The following ATF7IP variants were observed in gnomAD, a reference collection of about 807,000 sequenced individuals.
ATF7IP encodes the protein activating transcription factor 7 interacting protein.
A neutral mutation model predicts 106.4 loss-of-function variants in ATF7IP; 23 were observed. The observed-to-expected ratio is 0.22, with a 90% confidence interval of 0.16 to 0.31. The LOEUF (loss-of-function observed/expected upper bound fraction) is 0.31. ATF7IP is among the 10% of genes least tolerant of loss of function. The probability of loss-of-function intolerance (pLI) is 1.00; values close to 1 mark genes in which losing one functional copy is unlikely to be tolerated. For missense variants in ATF7IP, 1,334 were observed against 1,524.3 expected, an observed-to-expected ratio of 0.88 and a Z score of 2.08; for synonymous variants, 542 against 539.0, an observed-to-expected ratio of 1.01 and a Z score of -0.08.
rs984456066 is a variant in ATF7IP, at chr12:14,460,956, G to A, written c.2620G>A (p.Ala874Thr). Reference sequence around the variant, plus strand: ...ATTGGGAACAACACTTGCTGTGCAGGCTGTTCCAACAGCACACTCTATTGT... The same window carrying A: ...ATTGGGAACAACACTTGCTGTGCAGACTGTTCCAACAGCACACTCTATTGT... Reference protein sequence around the residue: ...APLGTTLAVQAVPTAHSIVQA... With the variant: ...APLGTTLAVQTVPTAHSIVQA... Residue 874 changes from alanine to threonine, a missense_variant, in exon 9 of 15, where the codon GCT becomes ACT. Coordinates refer to ENST00000261168, the MANE Select transcript of ATF7IP (RefSeq NM_018179.5). 1 of 1,614,104 alleles carries A rather than the reference G, an allele frequency of 6.2e-7. No individual in the cohort carries two copies. The highest frequency in any genetic ancestry group is 8.5e-7 in the Non-Finnish European group (1 of 1,180,006).
intron 5 of ATF7IP, among the ~76,000 whole-genome samples, chr12:14,445,219 G>T (rs1235911720): frequency 6.6e-6 from 1 of 151,840 alleles, no homozygotes; most frequent in African/African-American, 2.4e-5. Flanking sequence ...TTGAACTCCA[G>T]ACCTTGTGAT....
intron 1 of ATF7IP, among the ~76,000 whole-genome samples, chr12:14,405,535 C>T (rs1940530197): frequency 6.6e-6 from 1 of 151,250 alleles, no homozygotes; most frequent in African/African-American, 2.4e-5. Flanking sequence ...CCACCTCAGC[C>T]TCCGGAGTAG....
intron 1 of ATF7IP, among the ~76,000 whole-genome samples, chr12:14,418,157 A>G (rs1941299070): frequency 6.6e-6 from 1 of 152,192 alleles, no homozygotes; most frequent in Non-Finnish European, 1.5e-5. Context: ...TTTCCAAGCC[A>G]GAGAGACTTA....
intron 1 of ATF7IP, among the ~76,000 whole-genome samples, chr12:14,405,198 T>C (rs1251750747): frequency 6.6e-6 from 1 of 152,104 alleles, no homozygotes; most frequent in African/African-American, 2.4e-5. Flanking sequence ...AGTGTAAGTT[T>C]CTTTGAAAGG....
chr12:14,464,811 AAG>A (rs1182079643), intron 9 of ATF7IP, among the ~76,000 whole-genome samples: 52 of 152,234 alleles, frequency 3.4e-4, no homozygotes, highest in African/African-American at 1.1e-3. Context: ...AATTAGGTCT[AAG>A]AGAGAATCAT....
chr12:14,458,083 G>A (rs1433129480), intron 8 of ATF7IP, among the ~76,000 whole-genome samples: 3 of 151,342 alleles, frequency 2.0e-5, no homozygotes, highest in East Asian at 3.9e-4. Context: ...GCAACAGAGT[G>A]GGACTTCCTC....
chr12:14,464,460 C>G (rs920999127), intron 9 of ATF7IP, among the ~76,000 whole-genome samples: 1 of 152,226 alleles, frequency 6.6e-6, no homozygotes, highest in Non-Finnish European at 1.5e-5. Flanking sequence ...TAAGAGATAA[C>G]TGCCAGTTTA....
intron 2 of ATF7IP, among the ~76,000 whole-genome samples, chr12:14,425,918 A>G (rs76090867): frequency 1.3e-5 from 2 of 152,318 alleles, no homozygotes; most frequent in East Asian, 3.9e-4. Context: ...CTGTTCTTTA[A>G]TATTCTTTGT....
chr12:14,485,817 C>T (rs1309832236), intron 13 of ATF7IP, among the ~76,000 whole-genome samples: 2 of 152,168 alleles, frequency 1.3e-5, no homozygotes, highest in South Asian at 2.1e-4. Flanking sequence ...ATTAGAGTCA[C>T]CACTTGATTA....
intron 1 of ATF7IP, among the ~76,000 whole-genome samples, chr12:14,415,462 G>T (rs893432886): frequency 6.6e-6 from 1 of 152,154 alleles, no homozygotes; most frequent in Admixed American, 6.5e-5. Context: ...CTCCTGCCTT[G>T]TCTGGGGAAT....
At chr12:14,458,780 G>A (rs766038444) in intron 8 of ATF7IP, among the ~76,000 whole-genome samples, 1 of 151,634 alleles carries the variant, frequency 6.6e-6, no homozygotes, top group Admixed American at 6.6e-5. Context: ...CCAAGATTGC[G>A]CCAGTGTACT....
At chr12:14,490,645 C>T (rs1944784725) in intron 13 of ATF7IP, among the ~76,000 whole-genome samples, 4 of 152,116 alleles carry the variant, frequency 2.6e-5, no homozygotes, top group Admixed American at 1.3e-4. Flanking sequence ...GAACCAGGAC[C>T]TAGTCTTAAT....
chr12:14,458,998 C>T (rs1943542076), intron 8 of ATF7IP, among the ~76,000 whole-genome samples: 1 of 152,048 alleles, frequency 6.6e-6, no homozygotes, highest in Non-Finnish European at 1.5e-5. Context: ...CAGTTCTACT[C>T]AGAGAAGTAT....
chr12:14,435,520 G>C (rs1229370661), intron 3 of ATF7IP, among the ~76,000 whole-genome samples: 1 of 152,164 alleles, frequency 6.6e-6, no homozygotes, highest in African/African-American at 2.4e-5. Flanking sequence ...ACGTGAAACA[G>C]ATTTTCTAAG....
intron 10 of ATF7IP, among the ~76,000 whole-genome samples, chr12:14,475,355 G>C (rs1431416101): frequency 1.3e-5 from 2 of 152,106 alleles, no homozygotes; most frequent in African/African-American, 2.4e-5. Flanking sequence ...GGTTTTAAAG[G>C]TTTTTCTTAT....
chr12:14,374,444 T>C (rs1449564689), intron 1 of ATF7IP, among the ~76,000 whole-genome samples: 1 of 151,918 alleles, frequency 6.6e-6, no homozygotes, highest in Non-Finnish European at 1.5e-5. Flanking sequence ...CCTTGTAATA[T>C]ACACAGGTAA....
At chr12:14,445,281 G>T (rs936642836) in intron 5 of ATF7IP, among the ~76,000 whole-genome samples, 15 of 151,734 alleles carry the variant, frequency 9.9e-5, no homozygotes, top group Admixed American at 9.9e-4. Context: ...GAGCCACTGC[G>T]CCTGGCCCAC....
chr12:14,478,197 C>T lies in ATF7IP; in HGVS notation c.2942-120C>T, dbSNP rs917518080. The T allele has an allele frequency of 1.0e-5, 9 of 869,500 alleles. No individual in the cohort carries two copies. The East Asian group carries it at 2.2e-4, about 22-fold the overall frequency. The allele number at this position is 869,500 out of a possible 1,614,324, so 53.9% of individuals were successfully genotyped here. A position where few individuals can be genotyped will look rare whatever the true frequency, so the allele number is the denominator to read the frequency against. ...GTAAGTAAAATGGAAATAAATTATT[C>T]TCTTAGAGGTAAATGTGACACACAA... On this transcript the variant is annotated intron_variant, in intron 11 of 14. Coordinates refer to ENST00000261168, the MANE Select transcript of ATF7IP (RefSeq NM_018179.5).
chr12:14,461,215 G>A, intron 9 of ATF7IP, 82 bp downstream of exon 9: 1 of 1,293,378 alleles, frequency 7.7e-7, no homozygotes. Flanking sequence ...TTTCTAAGTG[G>A]CTAGCGTTAT....
Sources: gnomAD v4.1 joint callset for allele counts (sites outside exome capture counted in the v4.1 genomes callset) on GRCh38, gnomAD v4.1.1 for gene constraint, MANE v1.5 for transcripts, NCBI Gene and HGNC (gene_info 2026-07-23, HGNC 2026-07-21) for gene names.